Variants in UBE2H observed in about 807,000 individuals in gnomAD.
UBE2H encodes ubiquitin conjugating enzyme E2 H.
Under a neutral mutation model 29.0 loss-of-function variants are expected in UBE2H, and 3 were observed. The ratio of observed to expected loss-of-function variants is 0.10; its 90% CI spans 0.05 to 0.27. The LOEUF (loss-of-function observed/expected upper bound fraction) is 0.27. Among genes scored for constraint, UBE2H ranks in the 10% least tolerant of loss-of-function variants. UBE2H has a pLI of 1.00. For missense variants in UBE2H, 68 were observed against 228.2 expected (o/e 0.30, Z 4.52); for synonymous variants, 69 against 82.9 (o/e 0.83, Z 0.91).
chr7:129,940,735 C>G (rs1172256933), intron 1 of UBE2H, among the ~76,000 whole-genome samples: 1 of 152,164 alleles, frequency 6.6e-6, no homozygotes, highest in Non-Finnish European at 1.5e-5. Context: ...CCCTTGAGCA[C>G]CAGCCTATAA....
At chr7:129,935,721 T>C (rs1403317178) in intron 1 of UBE2H, among the ~76,000 whole-genome samples, 2 of 152,214 alleles carry the variant, frequency 1.3e-5, no homozygotes, top group East Asian at 1.9e-4. Flanking sequence ...CAGACATTAC[T>C]AGGCTGTTGT....
chr7:129,864,074 G>A (rs1021363930), intron 3 of UBE2H, among the ~76,000 whole-genome samples: 8 of 152,182 alleles, frequency 5.3e-5, no homozygotes, highest in Non-Finnish European at 7.3e-5. Flanking sequence ...AATTACAGGC[G>A]TGAGCCACTG....
At chr7:129,898,074 T>A (rs561049895) in intron 1 of UBE2H, among the ~76,000 whole-genome samples, 1 of 152,028 alleles carries the variant, frequency 6.6e-6, no homozygotes, top group African/African-American at 2.4e-5. Flanking sequence ...TGGAAAAAAA[T>A]TGCTGTTAAA....
At chr7:129,942,200 G>A (rs1266980471) in intron 1 of UBE2H, among the ~76,000 whole-genome samples, 1 of 120,988 alleles carries the variant, frequency 8.3e-6, no homozygotes, top group Non-Finnish European at 1.6e-5. Context: ...GTGACAGTGT[G>A]AGACTCGGTC....
chr7:129,841,822 A>C (rs910366537), intron 5 of UBE2H, among the ~76,000 whole-genome samples: 6 of 152,218 alleles, frequency 3.9e-5, no homozygotes, highest in Non-Finnish European at 8.8e-5. Flanking sequence ...TGACACTCCT[A>C]ATCAAAAAAG....
chr7:129,843,422 C>T (rs1805461528), intron 5 of UBE2H, among the ~76,000 whole-genome samples: 1 of 152,102 alleles, frequency 6.6e-6, no homozygotes, highest in African/African-American at 2.4e-5. Context: ...AGGTAGGCAC[C>T]ATTTTACAGA....
chr7:129,892,753 T>G (rs1355990493), intron 1 of UBE2H, among the ~76,000 whole-genome samples: 2 of 152,196 alleles, frequency 1.3e-5, no homozygotes, highest in African/African-American at 4.8e-5. Flanking sequence ...TTTAGCTATG[T>G]TTGGGAGATG....
chr7:129,835,475 A>C (rs1170269024), intron 6 of UBE2H, among the ~76,000 whole-genome samples: 1 of 152,208 alleles, frequency 6.6e-6, no homozygotes, highest in Non-Finnish European at 1.5e-5. Context: ...CTGCAGTTAC[A>C]TAATTACGGT....
Position 129,835,138 on chromosome 7 carries a change from A to G in UBE2H, c.428-77T>C, listed in dbSNP as rs548306162. ...CTTTGGCGACCCCAAAAAGCTGGCA[A>G]GGCTGCGGAGGTTCAAACTTACCTT... On this transcript the variant is annotated intron_variant, in intron 6 of 6. Transcript: ENST00000355621. The G allele has an allele frequency of 4.6e-5, 73 of 1,599,014 alleles. No individual in the cohort carries two copies. The Admixed American group carries it at 1.2e-3, about 27-fold the overall frequency.
At chr7:129,890,345 G>C (rs1308187884) in intron 1 of UBE2H, among the ~76,000 whole-genome samples, 2 of 150,670 alleles carry the variant, frequency 1.3e-5, no homozygotes, top group Non-Finnish European at 3.0e-5. Context: ...GTATATATAT[G>C]TATGTATATA....
At position 129,882,878 on chromosome 7, in the gene UBE2H, A is replaced by T. The variant is rs78768594; in HGVS notation, c.54-1907T>A. Reference sequence around the variant, plus strand: ...AAATAAAATTAAATATCAACAATACAGCCCTTAAAGAAAACAGACATGGAA... The same window carrying T: ...AAATAAAATTAAATATCAACAATACTGCCCTTAAAGAAAACAGACATGGAA... On this transcript the variant is annotated intron_variant, in intron 1 of 6. Transcript: ENST00000355621. Among the ~76,000 whole-genome samples the T allele has an allele frequency of 2.0e-5, 3 of 152,378 alleles. No homozygotes were observed. In the East Asian group the frequency reaches 5.8e-4, roughly 29 times the overall value.
At chr7:129,921,578 G>A (rs1309036632) in intron 1 of UBE2H, among the ~76,000 whole-genome samples, 3 of 151,262 alleles carry the variant, frequency 2.0e-5, no homozygotes. Flanking sequence ...ACACGTCTGT[G>A]GTCCCAGCTA....
intron 1 of UBE2H, among the ~76,000 whole-genome samples, chr7:129,884,084 T>C (rs1219607038): frequency 1.4e-5 from 2 of 146,392 alleles, no homozygotes; most frequent in Non-Finnish European, 3.0e-5. Context: ...TGACAGAGTG[T>C]GACTCTGTCT....
chr7:129,873,029 TTTTTTTTGAGACAAGAGTCTC>T (rs912528286), intron 3 of UBE2H, among the ~76,000 whole-genome samples: 1 of 151,202 alleles, frequency 6.6e-6, no homozygotes, highest in African/African-American at 2.4e-5. Context: ...AGTTTTTTTT[TTTTTTTTGAGACAAGAGTCTC>T]GCTCTGTTGC....
At chr7:129,848,446 G>C (rs910208440) in intron 5 of UBE2H, among the ~76,000 whole-genome samples, 1 of 152,194 alleles carries the variant, frequency 6.6e-6, no homozygotes, top group African/African-American at 2.4e-5. Flanking sequence ...ATAAGGAACA[G>C]GGCTGACAGG....
chr7:129,842,645 G>A (rs949968169), intron 5 of UBE2H, among the ~76,000 whole-genome samples: 1 of 152,128 alleles, frequency 6.6e-6, no homozygotes, highest in East Asian at 1.9e-4. Flanking sequence ...GCTTACAACT[G>A]TAATCCCAAC....
chr7:129,886,770 A>ATTTTTTTGTT (rs1237877491), intron 1 of UBE2H, among the ~76,000 whole-genome samples: 1 of 112,286 alleles, frequency 8.9e-6, no homozygotes, highest in Non-Finnish European at 1.8e-5. Context: ...TTTTTGGTAA[A>ATTTTTTTGTT]AAAAAAAAAA....
intron 5 of UBE2H, among the ~76,000 whole-genome samples, chr7:129,854,895 A>C (rs1017623941): frequency 1.3e-5 from 2 of 152,188 alleles, no homozygotes; most frequent in Non-Finnish European, 2.9e-5. Flanking sequence ...ACACGGATCA[A>C]CCTTGAAAAC....
At chr7:129,898,686 T>C (rs2116415995) in intron 1 of UBE2H, among the ~76,000 whole-genome samples, 1 of 152,266 alleles carries the variant, frequency 6.6e-6, no homozygotes, top group East Asian at 1.9e-4. Flanking sequence ...TAGGCTCAGG[T>C]GCCACCATGT....
Sources: allele counts gnomAD v4.1 joint callset (sites outside exome capture counted in the v4.1 genomes callset), GRCh38; gene constraint gnomAD v4.1.1; transcripts MANE v1.5; gene names NCBI Gene and HGNC (gene_info 2026-07-23, HGNC 2026-07-21).